Variants in NELL1 observed in about 807,000 individuals in gnomAD.
NELL1 encodes the protein neural EGFL like 1.
NELL1 carries 76 observed loss-of-function variants against 107.4 expected under a neutral mutation model. The observed-to-expected ratio is 0.71, with a 90% CI of 0.59 to 0.86. NELL1 has a LOEUF of 0.86. NELL1 is among the 40% of genes least tolerant of loss of function. The pLI is 0.00. For synonymous variants in NELL1, 353 were observed against 341.2 expected (o/e 1.03, Z -0.38); for missense variants, 1,024 against 1,005.5 (o/e 1.02, Z -0.25).
chr11:21,276,917 A>C (rs1848877230), intron 14 of NELL1, among the ~76,000 whole-genome samples: 1 of 152,072 alleles, frequency 6.6e-6, no homozygotes, highest in East Asian at 1.9e-4. Flanking sequence ...TTAAAGACTT[A>C]AATGTTAGAC....
At chr11:21,400,684 G>A (rs928327172) in intron 15 of NELL1, among the ~76,000 whole-genome samples, 3 of 151,848 alleles carry the variant, frequency 2.0e-5, no homozygotes, top group Admixed American at 2.0e-4. Flanking sequence ...AGATAAATCA[G>A]CATGCGCTTA....
At chr11:21,502,778 G>T (rs1309845298) in intron 15 of NELL1, among the ~76,000 whole-genome samples, 1 of 152,160 alleles carries the variant, frequency 6.6e-6, no homozygotes, top group African/African-American at 2.4e-5. Context: ...AAGCAATTGT[G>T]AATGGTTTTC....
At chr11:20,745,796 A>G (rs1329361441) in intron 2 of NELL1, among the ~76,000 whole-genome samples, 1 of 152,226 alleles carries the variant, frequency 6.6e-6, no homozygotes, top group East Asian at 1.9e-4. Context: ...ATAATCTTCT[A>G]GATGAGGACA....
intron 3 of NELL1, among the ~76,000 whole-genome samples, chr11:20,818,009 A>G (rs1590323011): frequency 6.6e-6 from 1 of 152,230 alleles, no homozygotes; most frequent in African/African-American, 2.4e-5. Flanking sequence ...ATGGAAAAGC[A>G]TGTGGTTGAT....
chr11:20,858,708 G>T (rs112301171), intron 4 of NELL1, among the ~76,000 whole-genome samples: 3 of 152,178 alleles, frequency 2.0e-5, no homozygotes, highest in African/African-American at 7.2e-5. Flanking sequence ...GCAGATGGTT[G>T]GCTATCATAG....
chr11:20,810,853 G>GTT (rs202026980), intron 3 of NELL1, among the ~76,000 whole-genome samples: 1 of 148,072 alleles, frequency 6.8e-6, no homozygotes, highest in Admixed American at 6.7e-5. Flanking sequence ...AAGTAACTGG[G>GTT]TTTTTTTTTT....
At chr11:20,816,969 C>T (rs888602340) in intron 3 of NELL1, among the ~76,000 whole-genome samples, 3 of 152,088 alleles carry the variant, frequency 2.0e-5, no homozygotes, top group Non-Finnish European at 4.4e-5. Flanking sequence ...ATTGAAACAA[C>T]TGCATCTCAG....
intron 15 of NELL1, among the ~76,000 whole-genome samples, chr11:21,471,921 A>G (rs1854193623): frequency 6.6e-6 from 1 of 152,088 alleles, no homozygotes; most frequent in Non-Finnish European, 1.5e-5. Flanking sequence ...AAATGAAATT[A>G]TTTGTTTCAC....
At chr11:21,491,619 A>G (rs1298101073) in intron 15 of NELL1, among the ~76,000 whole-genome samples, 1 of 152,128 alleles carries the variant, frequency 6.6e-6, no homozygotes, top group Non-Finnish European at 1.5e-5. Flanking sequence ...TATAGTTTGA[A>G]GTCAGGTAGC....
At position 21,516,873 on chromosome 11, in the gene NELL1, C is replaced by T. The variant is rs373100571; in HGVS notation, c.1646-17501C>T. Among the ~76,000 whole-genome samples the T allele has an allele frequency of 4.0e-5, 6 of 151,596 alleles. No homozygotes were observed. The South Asian group carries it at 1.2e-3, about 32-fold the overall frequency. On this transcript the variant is annotated intron_variant, in intron 15 of 19. Coordinates refer to ENST00000357134, the MANE Select transcript of NELL1 (RefSeq NM_006157.5). ...AGGCTGAAGTGCAGTGGCATGATCT[C>T]GGCCCAGTGCAACCTCCGTCTCCCA...
Position 20,750,135 on chromosome 11 carries a change from G to A in NELL1, c.185-33545G>A, listed in dbSNP as rs115474704. Among the ~76,000 whole-genome samples the A allele has an allele frequency of 7.2e-4, 109 of 152,020 alleles. 1 individual carries two copies. The highest frequency in any genetic ancestry group is 1.2e-3 in the Non-Finnish European group (84 of 68,000). On this transcript the variant is annotated intron_variant, in intron 2 of 19. Coordinates refer to ENST00000357134, the MANE Select transcript of NELL1 (RefSeq NM_006157.5). Reference sequence around the variant, plus strand: ...TCCCTTTGATTTTAGCCATTCAAACGTATATTTAGTATTATCTCTTTGTGG... The same window carrying A: ...TCCCTTTGATTTTAGCCATTCAAACATATATTTAGTATTATCTCTTTGTGG...
chr11:21,117,547 A>G (rs926076014), intron 13 of NELL1, among the ~76,000 whole-genome samples: 3 of 152,070 alleles, frequency 2.0e-5, no homozygotes, highest in East Asian at 3.9e-4. Flanking sequence ...GTGAACGTCA[A>G]CTAATATATG....
At chr11:21,471,170 G>A (rs542625868) in intron 15 of NELL1, among the ~76,000 whole-genome samples, 1 of 152,016 alleles carries the variant, frequency 6.6e-6, no homozygotes, top group East Asian at 1.9e-4. Context: ...AAGAAGAAAT[G>A]GTCCCATACA....
intron 15 of NELL1, among the ~76,000 whole-genome samples, chr11:21,480,011 T>G (rs1346243056): frequency 6.6e-6 from 1 of 152,198 alleles, no homozygotes; most frequent in Non-Finnish European, 1.5e-5. Context: ...CTAGTAGTCT[T>G]CTTATCAAGC....
intron 15 of NELL1, among the ~76,000 whole-genome samples, chr11:21,395,916 C>CA (rs1851970605): frequency 1.3e-5 from 2 of 150,898 alleles, no homozygotes; most frequent in South Asian, 2.1e-4. Flanking sequence ...AACAAAAAAA[C>CA]AAAAAAAGAT....
chr11:21,347,983 G>T (rs571791248), intron 14 of NELL1, among the ~76,000 whole-genome samples: 2 of 152,266 alleles, frequency 1.3e-5, no homozygotes, highest in East Asian at 3.9e-4. Context: ...GGAGGATAAA[G>T]CTTTGGAACT....
intron 5 of NELL1, among the ~76,000 whole-genome samples, chr11:20,897,051 G>C (rs1849756446): frequency 6.6e-6 from 1 of 152,058 alleles, no homozygotes; most frequent in Non-Finnish European, 1.5e-5. Context: ...TCACAGAATT[G>C]GAAAAAACTA....
intron 12 of NELL1, among the ~76,000 whole-genome samples, chr11:21,089,934 G>C (rs1226956226): frequency 6.6e-6 from 1 of 152,152 alleles, no homozygotes; most frequent in African/African-American, 2.4e-5. Flanking sequence ...TTGTGGTTAG[G>C]CTTTCGTATG....
chr11:21,542,101 T>G lies in NELL1; in HGVS notation c.1786+7587T>G, dbSNP rs1856306291. 6.6e-5 allele frequency among the ~76,000 whole-genome samples: 10 copies of G among 152,214 alleles called. No individual in the cohort carries two copies. The South Asian group carries it at 2.1e-3, about 32-fold the overall frequency. On this transcript the variant is annotated intron_variant, in intron 16 of 19. Coordinates refer to ENST00000357134, the MANE Select transcript of NELL1 (RefSeq NM_006157.5). Reference sequence around the variant, plus strand: ...TTTCATTAACCGAACAACTACATGATGTGCTAGACACAGAACCAGGAAATT... The same window carrying G: ...TTTCATTAACCGAACAACTACATGAGGTGCTAGACACAGAACCAGGAAATT...
Sources: gnomAD v4.1 joint callset for allele counts (sites outside exome capture counted in the v4.1 genomes callset) on GRCh38, gnomAD v4.1.1 for gene constraint, MANE v1.5 for transcripts, NCBI Gene and HGNC (gene_info 2026-07-23, HGNC 2026-07-21) for gene names.